Variants in SGCZ observed in about 807,000 individuals in gnomAD.
SGCZ encodes sarcoglycan zeta, also known as zeta-sarcoglycan.
SGCZ carries 40 observed loss-of-function variants against 41.3 expected under a neutral mutation model. The ratio of observed to expected loss-of-function variants is 0.97; its 90% CI spans 0.75 to 1.26. SGCZ has a LOEUF of 1.26. Ranked by LOEUF, SGCZ falls within the 50% of genes most tolerant of loss-of-function variation. The probability of loss-of-function intolerance (pLI) is 0.00; values close to 1 mark genes in which losing one functional copy is unlikely to be tolerated. For missense variants in SGCZ, 552 were observed against 369.8 expected, an observed-to-expected ratio of 1.49 and a Z score of -4.04; for synonymous variants, 206 against 137.5, an observed-to-expected ratio of 1.50 and a Z score of -3.49.
chr8:14,219,350 G>C (rs577320936), intron 4 of SGCZ, among the ~76,000 whole-genome samples: 4 of 152,136 alleles, frequency 2.6e-5, no homozygotes, highest in Admixed American at 2.6e-4. Flanking sequence ...AAGTTGATGA[G>C]ATGCAACAAA....
At chr8:14,834,572 G>C (rs924657103) in intron 1 of SGCZ, among the ~76,000 whole-genome samples, 1 of 152,162 alleles carries the variant, frequency 6.6e-6, no homozygotes, top group African/African-American at 2.4e-5. Context: ...GATCTGAAAA[G>C]ATGTTATTCC....
chr8:14,172,513 GT>G (rs1804418233), intron 4 of SGCZ, among the ~76,000 whole-genome samples: 1 of 152,162 alleles, frequency 6.6e-6, no homozygotes, highest in Non-Finnish European at 1.5e-5. Context: ...AAAGGCCATG[GT>G]GGAAAAATGA....
intron 2 of SGCZ, among the ~76,000 whole-genome samples, chr8:14,520,304 CA>C (rs1802750698): frequency 6.6e-6 from 1 of 152,124 alleles, no homozygotes; most frequent in Non-Finnish European, 1.5e-5. Flanking sequence ...GGCCTCAACA[CA>C]GGAATTTTTT....
intron 5 of SGCZ, among the ~76,000 whole-genome samples, chr8:14,120,170 C>T (rs530384677): frequency 1.3e-5 from 2 of 152,046 alleles, no homozygotes; most frequent in Non-Finnish European, 2.9e-5. Context: ...ATTATCAGGA[C>T]CATTCCTTTA....
intron 4 of SGCZ, among the ~76,000 whole-genome samples, chr8:14,217,628 G>GTTTTT (rs1168241820): frequency 1.3e-4 from 13 of 100,812 alleles, no homozygotes; most frequent in Non-Finnish European, 1.7e-4. Context: ...TTCAACTAAA[G>GTTTTT]TTTTTTTTTT....
chr8:14,947,542 G>C (rs375210435), intron 1 of SGCZ, among the ~76,000 whole-genome samples: 6 of 152,282 alleles, frequency 3.9e-5, no homozygotes, highest in South Asian at 2.1e-4. Flanking sequence ...GTGTTGAGGA[G>C]AGTCAGCATC....
chr8:14,249,176 A>G (rs1257573456), intron 3 of SGCZ, among the ~76,000 whole-genome samples: 3 of 152,178 alleles, frequency 2.0e-5, no homozygotes, highest in Non-Finnish European at 4.4e-5. Context: ...ATAGAATAAC[A>G]AGGCAGAATA....
intron 2 of SGCZ, among the ~76,000 whole-genome samples, chr8:14,552,584 C>T (rs1585073427): frequency 6.6e-6 from 1 of 151,958 alleles, no homozygotes. Context: ...TTTTAATTAT[C>T]CCCAGGACCA....
At chr8:14,377,527 T>C (rs1322686306) in intron 2 of SGCZ, among the ~76,000 whole-genome samples, 1 of 152,044 alleles carries the variant, frequency 6.6e-6, no homozygotes, top group Non-Finnish European at 1.5e-5. Context: ...TTTGTTTTTA[T>C]TTTTTTCTTT....
rs909650859 is a variant in SGCZ at position 14,648,196 on chromosome 8, A to C, written c.40-93270T>G. ...ATATTTAAAAAATCATAATAATTCAAAATAATCAAAAAATATTACAAACTT... is the reference window on the plus strand; with the variant it reads ...ATATTTAAAAAATCATAATAATTCACAATAATCAAAAAATATTACAAACTT... On this transcript the variant is annotated intron_variant, in intron 1 of 7. Transcript: ENST00000382080. 1.5e-4 allele frequency among the ~76,000 whole-genome samples: 23 copies of C among 152,132 alleles called. 1 individual carries two copies. The highest frequency in any genetic ancestry group is 3.1e-4 in the Non-Finnish European group (21 of 68,038).
Position 14,443,248 on chromosome 8 carries a change from T to C in SGCZ, c.234+111484A>G, listed in dbSNP as rs931563747. ...TGGCCATACTGCCCAAGGTAATTTATAGATTCAATGCCATCCCCATCAAGC... is the reference window on the plus strand; with the variant it reads ...TGGCCATACTGCCCAAGGTAATTTACAGATTCAATGCCATCCCCATCAAGC... On this transcript the variant is annotated intron_variant, in intron 2 of 7. Coordinates refer to ENST00000382080, the MANE Select transcript of SGCZ (RefSeq NM_139167.4). Among the ~76,000 whole-genome samples the C allele has an allele frequency of 4.0e-4, 61 of 152,230 alleles. 1 individual carries two copies. In the Middle Eastern group the frequency reaches 0.02, roughly 51 times the overall value.
chr8:14,673,984 G>A (rs1245683548), intron 1 of SGCZ, among the ~76,000 whole-genome samples: 1 of 152,118 alleles, frequency 6.6e-6, no homozygotes, highest in Admixed American at 6.5e-5. Flanking sequence ...TATTGAATGT[G>A]TCACACACTT....
chr8:14,486,695 T>A (rs1400760017), intron 2 of SGCZ, among the ~76,000 whole-genome samples: 1 of 152,126 alleles, frequency 6.6e-6, no homozygotes, highest in Non-Finnish European at 1.5e-5. Flanking sequence ...GCCTCAGCCT[T>A]CCAAGTAGCT....
intron 1 of SGCZ, among the ~76,000 whole-genome samples, chr8:14,697,922 T>G (rs542088703): frequency 2.6e-5 from 4 of 152,106 alleles, no homozygotes; most frequent in Non-Finnish European, 5.9e-5. Context: ...TCTCTATATG[T>G]TAGAATCCCA....
At chr8:14,621,492 A>T (rs1445728643) in intron 1 of SGCZ, among the ~76,000 whole-genome samples, 1 of 152,010 alleles carries the variant, frequency 6.6e-6, no homozygotes, top group Non-Finnish European at 1.5e-5. Context: ...AATAAAAATA[A>T]AATAAAATAA....
intron 2 of SGCZ, among the ~76,000 whole-genome samples, chr8:14,399,705 T>C (rs894598305): frequency 6.6e-6 from 1 of 152,166 alleles, no homozygotes; most frequent in Non-Finnish European, 1.5e-5. Context: ...CTTCAGAACA[T>C]ATTATGCTTT....
At chr8:15,187,332 G>T (rs1255868516) in intron 1 of SGCZ, among the ~76,000 whole-genome samples, 2 of 152,014 alleles carry the variant, frequency 1.3e-5, no homozygotes, top group African/African-American at 2.4e-5. Flanking sequence ...TTAAGAATTG[G>T]TGCTTTTCCA....
At chr8:14,901,621 A>G (rs375485252) in intron 1 of SGCZ, among the ~76,000 whole-genome samples, 3 of 151,958 alleles carry the variant, frequency 2.0e-5, no homozygotes, top group Admixed American at 6.6e-5. Context: ...CGGGTGAAAA[A>G]ATCCTTGGTC....
In SGCZ at chr8:14,468,908, T is replaced by C. The variant is rs778351487; in HGVS notation, c.234+85824A>G. ...AAATTGCATTATGCTTAACATGTAT[T>C]AGGCCTCATGTATACACTAACTTTA... is the stretch of plus-strand genomic sequence containing the variant. On this transcript the variant is annotated intron_variant, in intron 2 of 7. Coordinates refer to ENST00000382080, the MANE Select transcript of SGCZ (RefSeq NM_139167.4). Among the ~76,000 whole-genome samples, 44 of 152,098 alleles carry C rather than the reference T, an allele frequency of 2.9e-4. 1 individual carries two copies. Among genetic ancestry groups the C allele is most frequent in the Admixed American group, 5.9e-4 (9 of 15,244 alleles).
Sources: gnomAD v4.1 joint callset for allele counts (sites outside exome capture counted in the v4.1 genomes callset) on GRCh38, gnomAD v4.1.1 for gene constraint, MANE v1.5 for transcripts, NCBI Gene and HGNC (gene_info 2026-07-23, HGNC 2026-07-21) for gene names.